The following ZCCHC24 variants were observed in gnomAD, a reference collection of about 807,000 sequenced individuals.
ZCCHC24 encodes zinc finger CCHC domain-containing protein 24.
In ZCCHC24, 10 loss-of-function variants were observed where a neutral mutation model predicts 26.2. The ratio of observed to expected loss-of-function variants is 0.38; its 90% CI spans 0.24 to 0.65. The LOEUF (loss-of-function observed/expected upper bound fraction) is 0.65, where lower values mean the gene tolerates loss of function less well. Among genes scored for constraint, ZCCHC24 ranks in the 30% least tolerant of loss-of-function variants. The pLI is 0.54. For missense variants in ZCCHC24, 243 were observed against 329.1 expected (o/e 0.74, Z 2.03); for synonymous variants, 144 against 147.1 (o/e 0.98, Z 0.15).
At position 79,425,613 on chromosome 10, in the gene ZCCHC24, C is replaced by T. The variant is rs984830270; in HGVS notation, c.447+6945G>A. Among the ~76,000 whole-genome samples the T allele has an allele frequency of 2.0e-5, 3 of 152,174 alleles. No individual in the cohort carries two copies. The East Asian group carries it at 5.8e-4, about 29-fold the overall frequency. On this transcript the variant is annotated intron_variant, in intron 2 of 3. Coordinates refer to ENST00000372336, the MANE Select transcript of ZCCHC24 (RefSeq NM_153367.4). Reference sequence around the variant, plus strand: ...CAATTCCAGCTTTGATATTCACTAGCTGTGTGGCCTTGGGCAAGTCACTCC... The same window carrying T: ...CAATTCCAGCTTTGATATTCACTAGTTGTGTGGCCTTGGGCAAGTCACTCC...
chr10:79,393,410 T>A (rs1047362878), intron 3 of ZCCHC24, among the ~76,000 whole-genome samples: 2 of 152,306 alleles, frequency 1.3e-5, no homozygotes, highest in Admixed American at 1.3e-4. Flanking sequence ...GGTGGGACTG[T>A]TCTCCTAGGC....
At chr10:79,401,018 T>A (rs1164337482) in intron 2 of ZCCHC24, among the ~76,000 whole-genome samples, 1 of 152,216 alleles carries the variant, frequency 6.6e-6, no homozygotes, top group Non-Finnish European at 1.5e-5. Flanking sequence ...ATGAGTCCCT[T>A]TTGCACAGAG....
chr10:79,428,391 T>TATTTCAGTTTTGCAAGATAAATAA (rs1857064257), intron 2 of ZCCHC24, among the ~76,000 whole-genome samples: 1 of 107,044 alleles, frequency 9.3e-6, no homozygotes, highest in Non-Finnish European at 2.0e-5. Flanking sequence ...ATGGGTACAG[T>TATTTCAGTTTTGCAAGATAAATAA]ATTTCAGTTT....
chr10:79,394,676 G>T (rs1362351054), intron 2 of ZCCHC24: 20 of 968,998 alleles, frequency 2.1e-5, no homozygotes, highest in Non-Finnish European at 2.2e-5. Context: ...AGAGGAGATG[G>T]CGCACGTCTC....
At chr10:79,393,349 C>T (rs1856503216) in intron 3 of ZCCHC24, among the ~76,000 whole-genome samples, 1 of 152,218 alleles carries the variant, frequency 6.6e-6, no homozygotes, top group African/African-American at 2.4e-5. Context: ...CCCAGGCTGC[C>T]CAGTTCAGGA....
intron 2 of ZCCHC24, among the ~76,000 whole-genome samples, chr10:79,404,950 A>C (rs1379179099): frequency 6.6e-6 from 1 of 152,114 alleles, no homozygotes; most frequent in Non-Finnish European, 1.5e-5. Context: ...ACAGCCATGT[A>C]CCCTTCAAGA....
At chr10:79,416,181 G>T (rs1250319390) in intron 2 of ZCCHC24, among the ~76,000 whole-genome samples, 1 of 152,066 alleles carries the variant, frequency 6.6e-6, no homozygotes, top group Non-Finnish European at 1.5e-5. Context: ...AGCTTTGTTA[G>T]CTCATAAGAC....
chr10:79,435,621 G>A (rs943805323), intron 1 of ZCCHC24, among the ~76,000 whole-genome samples: 8 of 152,198 alleles, frequency 5.3e-5, no homozygotes, highest in Admixed American at 2.0e-4. Flanking sequence ...CCAGACGAAC[G>A]CTACCTTAGA....
intron 2 of ZCCHC24, among the ~76,000 whole-genome samples, chr10:79,423,582 T>TAC (rs1491377568): frequency 6.4e-5 from 1 of 15,632 alleles, no homozygotes; most frequent in Non-Finnish European, 1.1e-4. Context: ...ATATATATAC[T>TAC]ATATATATAT....
At position 79,394,297 on chromosome 10, in the gene ZCCHC24, G is replaced by T. The variant is rs756074196; in HGVS notation, c.591C>A (p.Ile197=). ...TCACCTGCTTGTGTGGATACACGTT[G>T]ATGTGGCACTTGATGCACTCCTGCC... ...NMGQECIKCH[I]NVYPHKQRPL... is the part of the protein sequence containing the mutation. The change falls in exon 3 of 4, where the codon ATC becomes ATA. Residue 197 remains isoleucine, a synonymous_variant. Transcript: ENST00000372336. 3 of 1,614,126 alleles carry T rather than the reference G, an allele frequency of 1.9e-6. No individual in the cohort carries two copies. The highest frequency in any genetic ancestry group is 2.5e-6 in the Non-Finnish European group (3 of 1,180,010).
chr10:79,394,133 T>C lies in ZCCHC24; in HGVS notation c.612+143A>G, dbSNP rs891182980. ...CCCCATCATCCTCCTTCCCTTCCCT[T>C]CCCTCCCATTTCAGATGAGACAAGG... On this transcript the variant is annotated intron_variant, in intron 3 of 3. Coordinates refer to ENST00000372336, the MANE Select transcript of ZCCHC24 (RefSeq NM_153367.4). 178 of 1,202,674 alleles carry C rather than the reference T, an allele frequency of 1.5e-4. 3 individuals are homozygous for C. In the South Asian group the frequency reaches 2.1e-3, roughly 14 times the overall value. The allele number at this position is 1,202,674 out of a possible 1,614,324, so 74.5% of individuals were successfully genotyped here.
Position 79,433,804 on chromosome 10 carries a change from G to A in ZCCHC24, c.247-1046C>T, listed in dbSNP as rs1416797815. Among the ~76,000 whole-genome samples the A allele has an allele frequency of 2.0e-5, 3 of 152,234 alleles. No homozygotes were observed. In the East Asian group the frequency reaches 5.8e-4, roughly 29 times the overall value. ...GGGGAAACAGGGCCTCTGAAAGGAA[G>A]GGCCTCAGGCTCCCTTACAAAGATG... On this transcript the variant is annotated intron_variant, in intron 1 of 3. Coordinates refer to ENST00000372336, the MANE Select transcript of ZCCHC24 (RefSeq NM_153367.4).
In ZCCHC24 at chr10:79,394,263, C is replaced by G. The variant is rs765659771; in HGVS notation, c.612+13G>C. On this transcript the variant is annotated intron_variant, in intron 3 of 3. Coordinates refer to ENST00000372336, the MANE Select transcript of ZCCHC24 (RefSeq NM_153367.4). ...GCGGTCCTTCTGAGAAGGCCCCAGC[C>G]TGCCCGGCTCACCTGCTTGTGTGGA... 6.2e-7 allele frequency: 1 copy of G among 1,611,418 alleles called. No individual in the cohort carries two copies. Among genetic ancestry groups the G allele is most frequent in the Admixed American group, 1.7e-5 (1 of 59,916 alleles).
chr10:79,422,439 G>A (rs1348688779), intron 2 of ZCCHC24, among the ~76,000 whole-genome samples: 3 of 152,180 alleles, frequency 2.0e-5, no homozygotes, highest in Non-Finnish European at 4.4e-5. Context: ...GGGGTGCAGG[G>A]GCTGGGGTCC....
rs1589654703 is a variant in ZCCHC24, at chr10:79,382,563, G to A, written c.*3782C>T. 1 of 152,896 alleles carries A rather than the reference G, an allele frequency of 6.5e-6. No homozygotes were observed. Among genetic ancestry groups the A allele is most frequent in the East Asian group, 1.9e-4 (1 of 5,324 alleles). 9.5% of individuals were successfully genotyped at this position (152,896 alleles called of 1,614,324 possible). ...AGACACGGACGGGGTCACCGCATGGGGGCGGAGGAGGTCGGACGGCAAGGT... is the reference window on the plus strand; with the variant it reads ...AGACACGGACGGGGTCACCGCATGGAGGCGGAGGAGGTCGGACGGCAAGGT... On this transcript the variant is annotated 3_prime_UTR_variant, in exon 4 of 4. Coordinates refer to ENST00000372336, the MANE Select transcript of ZCCHC24 (RefSeq NM_153367.4).
At chr10:79,431,974 C>G (rs13376836) in intron 2 of ZCCHC24, among the ~76,000 whole-genome samples, 52,775 of 151,988 alleles carry the variant, frequency 0.35, 9,498 homozygotes, top group Middle Eastern at 0.46. Flanking sequence ...GTGGGGGCCT[C>G]GATCTGCCCG....
chr10:79,424,228 C>T (rs1283311144), intron 2 of ZCCHC24, among the ~76,000 whole-genome samples: 1 of 152,248 alleles, frequency 6.6e-6, no homozygotes, highest in Non-Finnish European at 1.5e-5. Context: ...TCACCAACTG[C>T]AACACAAGCT....
chr10:79,412,928 A>ACC (rs1856811430), intron 2 of ZCCHC24, among the ~76,000 whole-genome samples: 1 of 152,240 alleles, frequency 6.6e-6, no homozygotes, highest in South Asian at 2.1e-4. Context: ...AGCCACCATC[A>ACC]ACATCATCAT....
chr10:79,445,106 C>G (rs1857345306), intron 1 of ZCCHC24, 89 bp downstream of exon 1: 2 of 1,164,300 alleles, frequency 1.7e-6, no homozygotes, highest in Non-Finnish European at 2.1e-6. Context: ...CGCGCCAGGC[C>G]AGGAAGAGCG....
Sources: allele counts gnomAD v4.1 joint callset (sites outside exome capture counted in the v4.1 genomes callset), GRCh38; gene constraint gnomAD v4.1.1; transcripts MANE v1.5; gene names NCBI Gene and HGNC (gene_info 2026-07-23, HGNC 2026-07-21).